ZMYM2: variants seen among roughly 807,000 people sequenced by gnomAD.
The protein encoded by ZMYM2 is zinc finger MYM-type protein 2.
In ZMYM2, 56 loss-of-function variants were observed where a neutral mutation model predicts 162.8. The observed-to-expected ratio is 0.34, with a 90% CI of 0.28 to 0.43. The LOEUF (loss-of-function observed/expected upper bound fraction) is 0.43, where lower values mean the gene tolerates loss of function less well. Ranked by LOEUF, ZMYM2 falls within the 20% of genes least tolerant of loss-of-function variation. ZMYM2 has a pLI of 1.00. For synonymous variants in ZMYM2, 510 were observed against 541.6 expected (o/e 0.94, Z 0.81); for missense variants, 1,275 against 1,621.8 (o/e 0.79, Z 3.67).
At chr13:19,967,080 C>G (rs1235921773) in intron 2 of ZMYM2, among the ~76,000 whole-genome samples, 1 of 152,086 alleles carries the variant, frequency 6.6e-6, no homozygotes, top group African/African-American at 2.4e-5. Flanking sequence ...TTTCCTTTTT[C>G]AAGGACCTTA....
At chr13:19,905,064 T>G in the ZMYM2 span, among the ~76,000 whole-genome samples, 1 of 148,212 alleles carries the variant, frequency 6.7e-6, no homozygotes, top group African/African-American at 2.5e-5. Context: ...CAGGCTGGAG[T>G]GCAGTGGCAC....
the ZMYM2 span, among the ~76,000 whole-genome samples, chr13:19,882,596 A>G: frequency 6.6e-6 from 1 of 151,960 alleles, no homozygotes; most frequent in Non-Finnish European, 1.5e-5. Flanking sequence ...AAAATACAAA[A>G]ATTCGCAGGG....
chr13:20,088,680 T>C lies in ZMYM2; in HGVS notation c.*2666T>C, dbSNP rs1357836586. 1.0e-5 allele frequency: 2 copies of C among 195,124 alleles called. No individual in the cohort carries two copies. Among genetic ancestry groups the C allele is most frequent in the African/African-American group, 2.3e-5 (1 of 43,240 alleles). The allele number at this position is 195,124 out of a possible 1,614,324, so 12.1% of individuals were successfully genotyped here. The stretch of plus-strand genomic sequence containing the variant: ...AATAGTAACTCATGGTTTTCTTTTA[T>C]TAAATGGGGTTGTTGTCAGTATGTT... On this transcript the variant is annotated 3_prime_UTR_variant, in exon 25 of 25. Coordinates refer to ENST00000610343, the MANE Select transcript of ZMYM2 (RefSeq NM_197968.4).
chr13:19,924,832 T>C, the ZMYM2 span, among the ~76,000 whole-genome samples: 1 of 151,982 alleles, frequency 6.6e-6, no homozygotes, highest in South Asian at 2.1e-4. Flanking sequence ...TACTCAGAAA[T>C]GGAATTGCTG....
At chr13:19,936,543 G>A in the ZMYM2 span, among the ~76,000 whole-genome samples, 8 of 151,894 alleles carry the variant, frequency 5.3e-5, no homozygotes, top group East Asian at 1.9e-4. Flanking sequence ...ACAACATGGC[G>A]AAACCCTGTC....
rs1043833250 is a variant in ZMYM2 at position 19,982,272 on chromosome 13, A to G, written c.-10-10791A>G. 3.2e-5 allele frequency among the ~76,000 whole-genome samples: 4 copies of G among 125,560 alleles called. No individual in the cohort carries two copies. The East Asian group carries it at 7.5e-4, about 23-fold the overall frequency. 82.4% of individuals were successfully genotyped at this position (125,560 alleles called of 152,430 possible). On this transcript the variant is annotated intron_variant, in intron 2 of 24. Transcript: ENST00000610343. ...TTCAGTAGTTTTCACTGAGTTGTCT[A>G]TTAGCTGTCTTTTTTTTTTTTTTTT... is the stretch of plus-strand genomic sequence containing the variant.
At chr13:20,061,867 GC>G (rs55911121) in intron 17 of ZMYM2, among the ~76,000 whole-genome samples, 104,435 of 152,046 alleles carry the variant, frequency 0.69, 41,083 homozygotes, top group Non-Finnish European at 0.86. Flanking sequence ...ACAGGTGTGA[GC>G]TACCACACCC....
chr13:20,031,121 T>C (rs538837421), intron 9 of ZMYM2, among the ~76,000 whole-genome samples, 198 bp from the exon 10 acceptor site: 2 of 152,314 alleles, frequency 1.3e-5, no homozygotes, highest in South Asian at 4.1e-4. Context: ...GGTTAAAAAT[T>C]AAATTTAATT....
chr13:19,905,789 A>C, the ZMYM2 span, among the ~76,000 whole-genome samples: 1 of 152,096 alleles, frequency 6.6e-6, no homozygotes, highest in Admixed American at 6.6e-5. Context: ...TGTGAGTAAC[A>C]AACTATCTTT....
the ZMYM2 span, among the ~76,000 whole-genome samples, chr13:19,946,494 A>T: frequency 1.2e-3 from 181 of 152,324 alleles, 1 homozygote; most frequent in African/African-American, 4.2e-3. Context: ...AGTGTTCTAT[A>T]ATCATTAGCG....
chr13:19,904,915 A>G, the ZMYM2 span, among the ~76,000 whole-genome samples: 12 of 151,972 alleles, frequency 7.9e-5, no homozygotes, highest in Non-Finnish European at 1.5e-4. Flanking sequence ...TTATCCATTC[A>G]TCTGTCAGTG....
chr13:19,887,525 T>C, the ZMYM2 span, among the ~76,000 whole-genome samples: 1 of 137,936 alleles, frequency 7.2e-6, no homozygotes, highest in Non-Finnish European at 1.6e-5. Context: ...TGAGACTTGG[T>C]ATAAAAAAAA....
chr13:19,935,693 TG>T, the ZMYM2 span, among the ~76,000 whole-genome samples: 2 of 151,574 alleles, frequency 1.3e-5, no homozygotes, highest in African/African-American at 4.9e-5. Context: ...TCACCCAGGG[TG>T]GGGTGCAGTG....
At chr13:19,983,350 TG>T (rs1477569546) in intron 2 of ZMYM2, among the ~76,000 whole-genome samples, 1 of 152,144 alleles carries the variant, frequency 6.6e-6, no homozygotes, top group Non-Finnish European at 1.5e-5. Flanking sequence ...TTTGCCGTGT[TG>T]GCCAGGCTGG....
Position 20,068,171 on chromosome 13 carries a change from T to G in ZMYM2, c.3453+781T>G, listed in dbSNP as rs560413225. The G allele has an allele frequency of 5.0e-5, 9 of 181,366 alleles. No homozygotes were observed. In the South Asian group the frequency reaches 1.8e-3, roughly 36 times the overall value. The allele number at this position is 181,366 out of a possible 1,614,324, so 11.2% of individuals were successfully genotyped here. ...CACTGTATTCAAGGACCATCATATA[T>G]CTTGCAGTAGCAACCTAAAAGATAC... On this transcript the variant is annotated intron_variant, in intron 21 of 24. Transcript: ENST00000610343.
intron 6 of ZMYM2, among the ~76,000 whole-genome samples, chr13:20,012,729 A>C (rs541462891): frequency 4.5e-4 from 69 of 152,274 alleles, no homozygotes; most frequent in African/African-American, 1.5e-3. Flanking sequence ...CCTGTTGATG[A>C]AGGGATTATT....
chr13:20,002,194 A>G (rs1255543245), intron 3 of ZMYM2, among the ~76,000 whole-genome samples: 2 of 152,174 alleles, frequency 1.3e-5, no homozygotes, highest in African/African-American at 4.8e-5. Context: ...CTTGCATTAC[A>G]TTTGTCAAAG....
the ZMYM2 span, among the ~76,000 whole-genome samples, chr13:19,927,424 A>G: frequency 6.6e-6 from 1 of 152,228 alleles, no homozygotes; most frequent in East Asian, 1.9e-4. Context: ...TAAAAAAGTT[A>G]TGATACTCTA....
chr13:20,082,840 C>T lies in ZMYM2; in HGVS notation c.3628C>T (p.His1210Tyr). The part of the protein sequence containing the change: ...YLWRIKQLGS[H>Y]SPVALLNTLF... ...CTGGAGGATAAAACAACTAGGATCA[C>T]ACTCTCCAGTAGCTCTTCTGAATAC... is the stretch of plus-strand genomic sequence containing the variant. The change falls in exon 23 of 25, where the codon CAC (histidine) becomes TAC (tyrosine). Residue 1210 changes from histidine to tyrosine, a missense_variant. Physicochemically the swap from His to Tyr is moderately conservative, Grantham distance 83. Transcript: ENST00000610343. The T allele has an allele frequency of 6.2e-7, 1 of 1,613,626 alleles. No individual in the cohort carries two copies. Among genetic ancestry groups the T allele is most frequent in the East Asian group, 2.2e-5 (1 of 44,844 alleles).
Sources: gnomAD v4.1 joint callset for allele counts (sites outside exome capture counted in the v4.1 genomes callset) on GRCh38, gnomAD v4.1.1 for gene constraint, MANE v1.5 for transcripts, NCBI Gene and HGNC (gene_info 2026-07-23, HGNC 2026-07-21) for gene names.